NOSIP: variants seen among roughly 807,000 people sequenced by gnomAD.
The protein encoded by NOSIP is nitric oxide synthase interacting protein.
In NOSIP, 25 loss-of-function variants were observed where a neutral mutation model predicts 36.4. The ratio of observed to expected loss-of-function variants is 0.69; its 90% CI spans 0.50 to 0.96. NOSIP has a LOEUF of 0.96. Ranked by LOEUF, NOSIP falls within the 40% of genes least tolerant of loss-of-function variation. The probability of loss-of-function intolerance (pLI) is 0.00; values close to 1 mark genes in which losing one functional copy is unlikely to be tolerated. For missense variants in NOSIP, 370 were observed against 429.0 expected (o/e 0.86, Z 1.21); for synonymous variants, 187 against 179.2 (o/e 1.04, Z -0.35).
At chr19:49,559,025 C>G in intron 3 of NOSIP, 47 bp from the exon 4 acceptor site, 1 of 1,481,166 alleles carries the variant, frequency 6.8e-7, no homozygotes, top group Non-Finnish European at 9.4e-7. Flanking sequence ...GATCCTCCCG[C>G]CTCGGCCTCC....
Position 49,555,782 on chromosome 19 carries a change from G to A in NOSIP, c.875C>T (p.Ala292Val), listed in dbSNP as rs780594414. 3.1e-6 allele frequency: 5 copies of A among 1,613,548 alleles called. No homozygotes were observed. Among genetic ancestry groups the A allele is most frequent in the Non-Finnish European group, 3.4e-6 (4 of 1,179,838 alleles). The change falls in exon 9 of 9, where the codon GCG (alanine) becomes GTG (valine). Residue 292 changes from alanine to valine, a missense_variant. Coordinates refer to ENST00000596358, the MANE Select transcript of NOSIP (RefSeq NM_001270960.2). ...CTGCATCACCGGCCGTGATTTCTCC[G>A]CTTGCAGCTTCACTCCGGAGCCCGC... Reference protein sequence around the residue: ...GFAGSGVKLQAEKSRPVMQA With the variant: ...GFAGSGVKLQVEKSRPVMQA
chr19:49,556,847 T>A (rs1223059350), intron 6 of NOSIP, 28 bp downstream of exon 6: 22 of 1,594,758 alleles, frequency 1.4e-5, no homozygotes, highest in Non-Finnish European at 1.9e-5. Context: ...CCTGGCACCG[T>A]GCGTGCCGGG....
intron 3 of NOSIP, chr19:49,559,329 C>A: frequency 3.3e-5 from 7 of 209,162 alleles, no homozygotes; most frequent in Non-Finnish European, 5.8e-5. Flanking sequence ...CCAGCCTGGG[C>A]AACAAAGTGA....
At chr19:49,577,767 GAAAA>G (rs61302412) in intron 1 of NOSIP, among the ~76,000 whole-genome samples, 1 of 121,682 alleles carries the variant, frequency 8.2e-6, no homozygotes, top group African/African-American at 3.0e-5. Flanking sequence ...CGTGTCTCGG[GAAAA>G]AAAAAAAAAA....
intron 1 of NOSIP, among the ~76,000 whole-genome samples, chr19:49,569,727 G>A (rs2080460541): frequency 6.6e-6 from 1 of 151,864 alleles, no homozygotes. Context: ...AGAATTGCTT[G>A]AACCCGGGAG....
intron 1 of NOSIP, among the ~76,000 whole-genome samples, chr19:49,563,954 G>A (rs1288502777): frequency 1.3e-5 from 2 of 152,142 alleles, no homozygotes; most frequent in Non-Finnish European, 2.9e-5. Context: ...CTAGGACCCT[G>A]TGGTCCCCCA....
chr19:49,556,042 G>GGGAGCGTGTGGAGGGGGT (rs1298045795), intron 8 of NOSIP, among the ~76,000 whole-genome samples: 3 of 147,132 alleles, frequency 2.0e-5, no homozygotes, highest in Non-Finnish European at 3.0e-5. Flanking sequence ...AGCCTTGGGA[G>GGGAGCGTGTGGAGGGGGT]GGAGCGTGTG....
intron 1 of NOSIP, among the ~76,000 whole-genome samples, chr19:49,580,022 C>T (rs183334011): frequency 7.9e-4 from 120 of 151,582 alleles, no homozygotes; most frequent in African/African-American, 2.8e-3. Flanking sequence ...CCTGCACCAA[C>T]CCCGAAAGGG....
At chr19:49,567,172 G>C (rs1345854628) in intron 1 of NOSIP, among the ~76,000 whole-genome samples, 1 of 143,768 alleles carries the variant, frequency 7.0e-6, no homozygotes, top group Non-Finnish European at 1.5e-5. Flanking sequence ...TCCCAGGCTG[G>C]AGTGCAGTGG....
intron 1 of NOSIP, among the ~76,000 whole-genome samples, chr19:49,576,052 A>G (rs999574362): frequency 4.0e-5 from 6 of 151,492 alleles, no homozygotes; most frequent in East Asian, 2.0e-4. Flanking sequence ...GGAGAATGGC[A>G]TGAACCCGGG....
intron 5 of NOSIP, 27 bp downstream of exon 5, chr19:49,557,063 A>G (rs1228929287): frequency 6.2e-7 from 1 of 1,602,286 alleles, no homozygotes; most frequent in African/African-American, 1.3e-5. Context: ...CCGCCCCCCA[A>G]CCCACAAGAA....
chr19:49,578,846 A>G (rs1277377862), intron 1 of NOSIP, among the ~76,000 whole-genome samples: 1 of 149,958 alleles, frequency 6.7e-6, no homozygotes, highest in Non-Finnish European at 1.5e-5. Context: ...GATGGTCTTG[A>G]TCTCCTGATC....
At position 49,560,075 on chromosome 19, in the gene NOSIP, G is replaced by A; in HGVS notation, c.71-36C>T. On this transcript the variant is annotated intron_variant, in intron 2 of 8. Transcript: ENST00000596358. The surrounding 1 kb of genome is among the most constrained non-coding windows in gnomAD (Gnocchi z 4.6). The stretch of plus-strand genomic sequence containing the variant: ...AGATGGGCAGAGTGATGGAGGGGCG[G>A]AGCAACAGGAGACATGTCCGTCTCC... 7.1e-7 allele frequency: 1 copy of A among 1,405,098 alleles called. No homozygotes were observed. Among genetic ancestry groups the A allele is most frequent in the Middle Eastern group, 1.8e-4 (1 of 5,630 alleles). 87.0% of individuals were successfully genotyped at this position (1,405,098 alleles called of 1,614,324 possible). A position where few individuals can be genotyped will look rare whatever the true frequency, so the allele number is the denominator to read the frequency against.
At chr19:49,575,909 A>G (rs2080545788) in intron 1 of NOSIP, among the ~76,000 whole-genome samples, 1 of 152,202 alleles carries the variant, frequency 6.6e-6, no homozygotes, top group Non-Finnish European at 1.5e-5. Context: ...AGGCGGGCAG[A>G]TCGTGAGGTC....
Position 49,560,129 on chromosome 19 carries a change from C to G in NOSIP, c.71-90G>C. 5.0e-6 allele frequency: 4 copies of G among 798,448 alleles called. No individual in the cohort carries two copies. The highest frequency in any genetic ancestry group is 2.3e-4 in the Middle Eastern group (1 of 4,278). The allele number at this position is 798,448 out of a possible 1,614,324, so 49.5% of individuals were successfully genotyped here. On this transcript the variant is annotated intron_variant, in intron 2 of 8. Coordinates refer to ENST00000596358, the MANE Select transcript of NOSIP (RefSeq NM_001270960.2). This position sits in a 1 kb window ranked among gnomAD's most constrained non-coding sequence, Gnocchi z 4.6. Reference sequence around the variant, plus strand: ...GCCCCAGAGAGAGGCACAGAGACAACGCGGTGGTGGGGGTGGGGGACTCAG... The same window carrying G: ...GCCCCAGAGAGAGGCACAGAGACAAGGCGGTGGTGGGGGTGGGGGACTCAG...
intron 3 of NOSIP, chr19:49,559,472 T>G: frequency 1.1e-5 from 2 of 185,302 alleles, no homozygotes; most frequent in Non-Finnish European, 2.3e-5. Context: ...ATGTCCCCAT[T>G]GCACTCCAGC....
Position 49,557,224 on chromosome 19 carries a change from C to T in NOSIP, c.284G>A (p.Arg95Gln), listed in dbSNP as rs1487476518. The T allele has an allele frequency of 3.1e-6, 5 of 1,594,878 alleles. 1 individual carries two copies. Among genetic ancestry groups the T allele is most frequent in the South Asian group, 2.3e-5 (2 of 88,254 alleles). Residue 95 changes from arginine (R) to glutamine (Q), a missense_variant, in exon 5 of 9, where the codon CGG (arginine) becomes CAG (glutamine). Physicochemically the swap from Arg to Gln is conservative, Grantham distance 43. Coordinates refer to ENST00000596358, the MANE Select transcript of NOSIP (RefSeq NM_001270960.2). The part of the protein sequence containing the change: ...MKAYEKQRGT[R>Q]REEQKELQRA... ...CTGAAGCTCCTTCTGCTCCTCGCGC[C>T]GGGTGCCCCGCTGCTTCTCGTAGGC...
chr19:49,575,360 C>T (rs548034329), intron 1 of NOSIP, among the ~76,000 whole-genome samples: 1 of 152,304 alleles, frequency 6.6e-6, no homozygotes, highest in Admixed American at 6.5e-5. Context: ...CCTTAATTAT[C>T]TCCACAAAGG....
intron 1 of NOSIP, among the ~76,000 whole-genome samples, chr19:49,562,109 C>G (rs2080343215): frequency 6.6e-6 from 1 of 152,040 alleles, no homozygotes; most frequent in Non-Finnish European, 1.5e-5. Context: ...CAGTAAACAG[C>G]CTGCATGCCT....
Sources: allele counts gnomAD v4.1 joint callset (sites outside exome capture counted in the v4.1 genomes callset), GRCh38; gene constraint gnomAD v4.1.1; non-coding constraint Gnocchi (gnomAD v3.1); transcripts MANE v1.5; gene names NCBI Gene and HGNC (gene_info 2026-07-23, HGNC 2026-07-21).